CCT7: variants seen among roughly 807,000 people sequenced by gnomAD.
CCT7 encodes chaperonin containing TCP1 subunit 7.
In CCT7, 16 loss-of-function variants were observed where a neutral mutation model predicts 56.6. That is an observed-to-expected ratio of 0.28 (90% CI 0.19 to 0.43). CCT7 has a LOEUF of 0.43. Ranked by LOEUF, CCT7 falls within the 20% of genes least tolerant of loss-of-function variation. The pLI is 1.00. For synonymous variants in CCT7, 262 were observed against 254.8 expected (o/e 1.03, Z -0.27); for missense variants, 519 against 685.6 (o/e 0.76, Z 2.71).
intron 1 of CCT7, among the ~76,000 whole-genome samples, chr2:73,235,390 A>G (rs1300306921): frequency 2.0e-5 from 3 of 152,056 alleles, no homozygotes; most frequent in Non-Finnish European, 4.4e-5. Flanking sequence ...GTCCGACTCT[A>G]TCTTCTGCTC....
chr2:73,234,459 G>C (rs898519416), intron 1 of CCT7, 75 bp downstream of exon 1: 6 of 1,543,048 alleles, frequency 3.9e-6, no homozygotes, highest in Non-Finnish European at 5.3e-6. Context: ...GCCTGGGCTT[G>C]CTCTGTAGGA....
intron 11 of CCT7, among the ~76,000 whole-genome samples, chr2:73,252,106 A>G (rs59084267): frequency 0.011 from 1,715 of 152,018 alleles, 34 homozygotes; most frequent in African/African-American, 0.039. Context: ...CCTCTCTGAG[A>G]GTTTAATTTC....
intron 6 of CCT7, among the ~76,000 whole-genome samples, chr2:73,245,391 G>A (rs73944286): frequency 0.058 from 8,863 of 152,266 alleles, 557 homozygotes; most frequent in African/African-American, 0.16. Flanking sequence ...GCTTTCTGTA[G>A]GGTGGTGGGA....
At chr2:73,239,619 G>T (rs974215953) in intron 1 of CCT7, 24 bp from the exon 2 acceptor site, 1 of 1,608,718 alleles carries the variant, frequency 6.2e-7, no homozygotes, top group African/African-American at 1.3e-5. Flanking sequence ...ATTATTAAAA[G>T]CAGTTAATTT....
chr2:73,250,443 T>A lies in CCT7; in HGVS notation c.1203+5T>A. 6.2e-7 allele frequency: 1 copy of A among 1,613,770 alleles called. No homozygotes were observed. The highest frequency in any genetic ancestry group is 8.5e-7 in the Non-Finnish European group (1 of 1,179,980). On this transcript the variant is annotated splice_donor_5th_base_variant and intron_variant, in intron 10 of 11. Transcript: ENST00000258091. ...ATCGTCAGGAGGGCCATCAAGGTAC[T>A]GGGCTGATATCCTCCTGCTTGCACA... is the stretch of plus-strand genomic sequence containing the variant.
chr2:73,244,271 C>G lies in CCT7; in HGVS notation c.446+222C>G, dbSNP rs1277773135. The G allele has an allele frequency of 4.9e-6, 3 of 617,942 alleles. No homozygotes were observed. The African/African-American group carries it at 5.5e-5, about 11-fold the overall frequency. The allele number at this position is 617,942 out of a possible 1,614,324, so 38.3% of individuals were successfully genotyped here. On this transcript the variant is annotated intron_variant, in intron 5 of 11. Transcript: ENST00000258091. ...AGCATGCTGCAATCCCTCTATGTGC[C>G]TGGGGCTGTTTGGCTCCTGCCAGAC...
intron 4 of CCT7, 107 bp from the exon 5 acceptor site, chr2:73,243,890 T>A (rs556225442): frequency 1.1e-6 from 1 of 949,744 alleles, no homozygotes; most frequent in South Asian, 1.4e-5. Context: ...AGAGTAGAAA[T>A]GCTTAGGATT....
In CCT7 at chr2:73,252,800, G is replaced by A. The variant is rs779069312; in HGVS notation, c.1571G>A (p.Arg524His). 1.4e-5 allele frequency: 23 copies of A among 1,613,962 alleles called. No individual in the cohort carries two copies. Among genetic ancestry groups the A allele is most frequent in the South Asian group, 1.2e-4 (11 of 91,082 alleles). Residue 524 changes from arginine (R) to histidine (H), a missense_variant, in exon 12 of 12, where the codon CGC (arginine) becomes CAC (histidine). This residue lies in a region of CCT7 where 237 missense variants were observed against 300.8 expected (regional missense o/e 0.79). Coordinates refer to ENST00000258091, the MANE Select transcript of CCT7 (RefSeq NM_006429.4). ...GTAGATGAAACCATCAAGAACCCCC[G>A]CTCGACTGTGGATGCTCCCACAGCA... is the stretch of plus-strand genomic sequence containing the variant. ...VSVDETIKNPRSTVDAPTAAG... is the reference protein window; with the variant it reads ...VSVDETIKNPHSTVDAPTAAG...
chr2:73,239,519 A>C, intron 1 of CCT7, 124 bp from the exon 2 acceptor site: 2 of 803,004 alleles, frequency 2.5e-6, no homozygotes, highest in Non-Finnish European at 3.9e-6. Flanking sequence ...AGTTGGGGGA[A>C]TGTGGTTTAA....
chr2:73,243,176 A>AT, intron 4 of CCT7, 47 bp downstream of exon 4: 1 of 1,593,944 alleles, frequency 6.3e-7, no homozygotes, highest in Middle Eastern at 1.7e-4. Context: ...ACACCTTCAC[A>AT]TTTCTCTTAG....
chr2:73,249,024 A>G lies in CCT7; in HGVS notation c.817A>G (p.Ile273Val). ...YQAIVDAEWN[I>V]LYDKLEKIHH... ...GGCAATTGTTGATGCTGAGTGGAACATTCTCTATGACAAGTTAGAGAAGAT... is the reference window on the plus strand; with the variant it reads ...GGCAATTGTTGATGCTGAGTGGAACGTTCTCTATGACAAGTTAGAGAAGAT... The change falls in exon 8 of 12, where the codon ATT becomes GTT. Residue 273 changes from isoleucine (I) to valine (V), a missense_variant. Ile to Val is a conservative substitution (Grantham distance 29). Coordinates refer to ENST00000258091, the MANE Select transcript of CCT7 (RefSeq NM_006429.4). 6.2e-7 allele frequency: 1 copy of G among 1,613,630 alleles called. No individual in the cohort carries two copies. The highest frequency in any genetic ancestry group is 8.5e-7 in the Non-Finnish European group (1 of 1,179,958).
intron 1 of CCT7, among the ~76,000 whole-genome samples, chr2:73,235,893 A>G (rs1379527031): frequency 6.6e-6 from 1 of 152,210 alleles, no homozygotes; most frequent in African/African-American, 2.4e-5. Context: ...CTGCCGTGAT[A>G]AAACTTCACC....
rs538159016 is a variant in CCT7, at chr2:73,250,369, C to T, written c.1134C>T (p.Ala378=). 7.4e-6 allele frequency: 12 copies of T among 1,614,084 alleles called. No homozygotes were observed. Among genetic ancestry groups the T allele is most frequent in the Middle Eastern group, 1.6e-4 (1 of 6,062 alleles). Residue 378 remains alanine, a synonymous_variant, in exon 10 of 12, where the codon GCC becomes GCT. Coordinates refer to ENST00000258091, the MANE Select transcript of CCT7 (RefSeq NM_006429.4). The part of the protein sequence containing the change: ...KTCTFILRGG[A]EQFMEETERS... ...GCACCTTCATTCTCCGTGGCGGCGC[C>T]GAGCAGTTTATGGAGGAGACAGAGC...
chr2:73,239,344 A>C, intron 1 of CCT7: 1 of 265,698 alleles, frequency 3.8e-6, no homozygotes. Flanking sequence ...CAGAAGTTGA[A>C]AAGGCCATGG....
chr2:73,252,832 C>T lies in CCT7; in HGVS notation c.1603C>T (p.Arg535Trp), dbSNP rs1027460529. The T allele has an allele frequency of 5.0e-6, 8 of 1,613,828 alleles. No homozygotes were observed. Among genetic ancestry groups the T allele is most frequent in the South Asian group, 2.2e-5 (2 of 91,072 alleles). ...STVDAPTAAGRGRGRGRPH is the reference protein window; with the variant it reads ...STVDAPTAAGWGRGRGRPH ...TGTGGATGCTCCCACAGCAGCAGGCCGGGGCCGTGGTCGTGGCCGCCCCCA... is the reference window on the plus strand; with the variant it reads ...TGTGGATGCTCCCACAGCAGCAGGCTGGGGCCGTGGTCGTGGCCGCCCCCA... The change falls in exon 12 of 12, where the codon CGG (arginine) becomes TGG (tryptophan). Residue 535 changes from arginine (R) to tryptophan (W), a missense_variant. This residue lies in a region of CCT7 where 237 missense variants were observed against 300.8 expected (regional missense o/e 0.79). Coordinates refer to ENST00000258091, the MANE Select transcript of CCT7 (RefSeq NM_006429.4).
chr2:73,238,551 C>T (rs1686971877), intron 1 of CCT7, among the ~76,000 whole-genome samples: 1 of 152,248 alleles, frequency 6.6e-6, no homozygotes, highest in Non-Finnish European at 1.5e-5. Context: ...CCTCTAAGGA[C>T]TAGGTGATGG....
rs555638723 is a variant in CCT7 at position 73,244,197 on chromosome 2, G to A, written c.446+148G>A. 18 of 792,686 alleles carry A rather than the reference G, an allele frequency of 2.3e-5. No homozygotes were observed. The East Asian group carries it at 4.3e-4, about 19-fold the overall frequency. The allele number at this position is 792,686 out of a possible 1,614,324, so 49.1% of individuals were successfully genotyped here. A position where few individuals can be genotyped will look rare whatever the true frequency, so the allele number is the denominator to read the frequency against. ...TTACAGGTGTGAGTCACCGTGTCAG[G>A]CCTTTGTCAGAACCTTGACTGACTT... is the stretch of plus-strand genomic sequence containing the variant. On this transcript the variant is annotated intron_variant, in intron 5 of 11. Coordinates refer to ENST00000258091, the MANE Select transcript of CCT7 (RefSeq NM_006429.4).
rs541416307 is a variant in CCT7 at position 73,250,453 on chromosome 2, T to C, written c.1203+15T>C. ...GGGCCATCAAGGTACTGGGCTGATATCCTCCTGCTTGCACAGCCTACTCTC... is the reference window on the plus strand; with the variant it reads ...GGGCCATCAAGGTACTGGGCTGATACCCTCCTGCTTGCACAGCCTACTCTC... On this transcript the variant is annotated intron_variant, in intron 10 of 11. Transcript: ENST00000258091. 96 of 1,613,302 alleles carry C rather than the reference T, an allele frequency of 6.0e-5. No homozygotes were observed. The South Asian group carries it at 1.0e-3, about 17-fold the overall frequency.
intron 1 of CCT7, among the ~76,000 whole-genome samples, chr2:73,236,582 A>C (rs143572408): frequency 5.9e-5 from 9 of 152,216 alleles, no homozygotes; most frequent in South Asian, 2.1e-4. Context: ...CTTGTGATTC[A>C]CCCACCTTGG....
Sources: gnomAD v4.1 joint callset for allele counts (sites outside exome capture counted in the v4.1 genomes callset) on GRCh38, gnomAD v4.1.1 for gene constraint, gnomAD v4.1.1 regional missense constraint, MANE v1.5 for transcripts, NCBI Gene and HGNC (gene_info 2026-07-23, HGNC 2026-07-21) for gene names.